The following PCDHGB2 variants were observed in gnomAD, a reference collection of about 807,000 sequenced individuals.
The protein encoded by PCDHGB2 is protocadherin gamma subfamily B, 2, also known as protocadherin gamma-B2.
A neutral mutation model predicts 59.3 loss-of-function variants in PCDHGB2; 55 were observed. That is an observed-to-expected ratio of 0.93 (90% CI 0.75 to 1.16). PCDHGB2 has a LOEUF of 1.16. Ranked by LOEUF, PCDHGB2 falls within the 50% of genes most tolerant of loss-of-function variation. PCDHGB2 has a pLI of 0.00. For synonymous variants in PCDHGB2, 516 were observed against 512.0 expected (o/e 1.01, Z -0.11); for missense variants, 1,228 against 1,198.5 (o/e 1.02, Z -0.36).
intron 1 of PCDHGB2, chr5:141,376,162 G>A (rs1480360111): frequency 1.2e-6 from 2 of 1,614,084 alleles, no homozygotes; most frequent in African/African-American, 1.3e-5. Flanking sequence ...CTCTGTACCT[G>A]GTGGTGGCGG....
intron 1 of PCDHGB2, chr5:141,410,721 A>G (rs2154543206): frequency 1.5e-5 from 21 of 1,395,496 alleles, no homozygotes; most frequent in Non-Finnish European, 2.0e-5. Context: ...ATATGTTTAA[A>G]ATCCATAGCT....
intron 1 of PCDHGB2, chr5:141,421,459 G>T: frequency 6.2e-7 from 1 of 1,614,142 alleles, no homozygotes; most frequent in South Asian, 1.1e-5. Context: ...GCTTTTCGCT[G>T]TGAATCCGCG....
At chr5:141,451,925 G>A (rs1391178313) in intron 1 of PCDHGB2, among the ~76,000 whole-genome samples, 2 of 152,012 alleles carry the variant, frequency 1.3e-5, no homozygotes, top group East Asian at 3.8e-4. Context: ...AGGAAGGGAG[G>A]TAGGGAGGCA....
At chr5:141,460,787 C>T (rs1177595415) in intron 1 of PCDHGB2, among the ~76,000 whole-genome samples, 1 of 151,504 alleles carries the variant, frequency 6.6e-6, no homozygotes, top group Non-Finnish European at 1.5e-5. Context: ...TACATATATA[C>T]ACACAAAGTA....
rs558944208 is a variant in PCDHGB2, at chr5:141,478,187, A to G, written c.2422-16620A>G. On this transcript the variant is annotated intron_variant, in intron 1 of 3. Coordinates refer to ENST00000522605, the MANE Select transcript of PCDHGB2 (RefSeq NM_018923.3). ...CCCCCGGGAGCAGAAAAAAAATCTC[A>G]CCTTTTATCTACTTCTTTCTCTAAT... is the stretch of plus-strand genomic sequence containing the variant. The G allele has an allele frequency of 2.9e-5, 46 of 1,613,548 alleles. No individual in the cohort carries two copies. The highest frequency in any genetic ancestry group is 3.9e-5 in the Non-Finnish European group (46 of 1,179,954).
chr5:141,489,597 A>T lies in PCDHGB2; in HGVS notation c.2422-5210A>T. The T allele has an allele frequency of 6.2e-7, 1 of 1,614,100 alleles. No individual in the cohort carries two copies. Among genetic ancestry groups the T allele is most frequent in the African/African-American group, 1.3e-5 (1 of 75,040 alleles). ...AACACCCCCTGGAGCTAATCCGTGT[A>T]GAGGTAGAGATCCTGGATCTCAATG... On this transcript the variant is annotated intron_variant, in intron 1 of 3. Transcript: ENST00000522605. The surrounding 1 kb of genome is among the most constrained non-coding windows in gnomAD (Gnocchi z 4.5).
intron 1 of PCDHGB2, chr5:141,430,836 C>T: frequency 6.4e-7 from 1 of 1,558,936 alleles, no homozygotes; most frequent in South Asian, 1.2e-5. Context: ...CTGTGGGAGA[C>T]CGGATGCACC....
At chr5:141,510,450 T>G (rs1273211856) in intron 3 of PCDHGB2, among the ~76,000 whole-genome samples, 1 of 151,946 alleles carries the variant, frequency 6.6e-6, no homozygotes, top group Non-Finnish European at 1.5e-5. Flanking sequence ...CAGGAGCCCA[T>G]GGTCTAGTGT....
At chr5:141,437,338 C>T (rs1328789308) in intron 1 of PCDHGB2, among the ~76,000 whole-genome samples, 1 of 152,196 alleles carries the variant, frequency 6.6e-6, no homozygotes, top group Non-Finnish European at 1.5e-5. Flanking sequence ...TGTAGCTTCA[C>T]TGTTTTATAG....
chr5:141,494,237 G>A (rs555725765), intron 1 of PCDHGB2, among the ~76,000 whole-genome samples: 3 of 152,312 alleles, frequency 2.0e-5, no homozygotes, highest in East Asian at 3.9e-4. Flanking sequence ...AATTAATAAT[G>A]TATTTAGCTG....
rs941528168 is a variant in PCDHGB2, at chr5:141,476,433, T to C, written c.2422-18374T>C. 2 of 1,614,094 alleles carry C rather than the reference T, an allele frequency of 1.2e-6. No individual in the cohort carries two copies. The highest frequency in any genetic ancestry group is 2.2e-5 in the East Asian group (1 of 44,856). ...TGTGGGACACTGCCCTCTTGCACTGTAACTCTGGAGTTGGTAGTGGAGAAC... is the reference window on the plus strand; with the variant it reads ...TGTGGGACACTGCCCTCTTGCACTGCAACTCTGGAGTTGGTAGTGGAGAAC... On this transcript the variant is annotated intron_variant, in intron 1 of 3. Coordinates refer to ENST00000522605, the MANE Select transcript of PCDHGB2 (RefSeq NM_018923.3). This position sits in a 1 kb window ranked among gnomAD's most constrained non-coding sequence, Gnocchi z 7.6.
rs186109113 is a variant in PCDHGB2, at chr5:141,415,284, G to C, written c.2421+52728G>C. ...TGTACCTGGTGGTAGCGGTGGCCGCGGTCTCCTGCGTCTTCCTGGCCTTCG... is the reference window on the plus strand; with the variant it reads ...TGTACCTGGTGGTAGCGGTGGCCGCCGTCTCCTGCGTCTTCCTGGCCTTCG... On this transcript the variant is annotated intron_variant, in intron 1 of 3. Transcript: ENST00000522605. 4,314 of 1,614,198 alleles carry C rather than the reference G, an allele frequency of 2.7e-3. 11 individuals are homozygous for C. The highest frequency in any genetic ancestry group is 7.3e-3 in the Middle Eastern group (44 of 6,062).
intron 1 of PCDHGB2, chr5:141,426,795 C>G (rs1214340018): frequency 2.2e-6 from 1 of 456,700 alleles, no homozygotes. Context: ...GAGTTACCAG[C>G]TCAGTTCTAA....
At chr5:141,460,456 T>C (rs2098989632) in intron 1 of PCDHGB2, among the ~76,000 whole-genome samples, 1 of 152,124 alleles carries the variant, frequency 6.6e-6, no homozygotes, top group South Asian at 2.1e-4. Flanking sequence ...AAGATTCATA[T>C]TTTTTTCCAA....
At position 141,361,847 on chromosome 5, in the gene PCDHGB2, G is replaced by A. The variant is rs763425262; in HGVS notation, c.1712G>A (p.Gly571Asp). The change falls in exon 1 of 4, where the codon GGC becomes GAC. Residue 571 changes from glycine to aspartate, a missense_variant. Physicochemically the swap from Gly to Asp is moderately conservative, Grantham distance 94 (BLOSUM62 -1). Around this residue, in one of 3 missense-constraint regions of PCDHGB2, gnomAD observed 781 missense variants for 721.6 expected, o/e 1.08. Coordinates refer to ENST00000522605, the MANE Select transcript of PCDHGB2 (RefSeq NM_018923.3). The stretch of plus-strand genomic sequence containing the variant: ...CTGTACCCCGCGCTGGGGCCTGATG[G>A]CTCCGCCCTCTTCGATATGGTGCCA... ...RVLYPALGPDGSALFDMVPRA... is the reference protein window; with the variant it reads ...RVLYPALGPDDSALFDMVPRA... 1.2e-6 allele frequency: 2 copies of A among 1,612,544 alleles called. No homozygotes were observed. The highest frequency in any genetic ancestry group is 1.1e-5 in the South Asian group (1 of 91,052).
At chr5:141,405,330 T>C (rs750658260) in intron 1 of PCDHGB2, 1 of 1,614,206 alleles carries the variant, frequency 6.2e-7, no homozygotes, top group East Asian at 2.2e-5. Context: ...CCTTTGTGCG[T>C]CTCTGTTGAT....
At chr5:141,425,047 A>G (rs1590618154) in intron 1 of PCDHGB2, among the ~76,000 whole-genome samples, 1 of 152,198 alleles carries the variant, frequency 6.6e-6, no homozygotes, top group Non-Finnish European at 1.5e-5. Context: ...TAAACTGACT[A>G]TCTAGGGCTC....
Position 141,490,749 on chromosome 5 carries a change from C to T in PCDHGB2, c.2422-4058C>T, listed in dbSNP as rs777124697. 3.1e-6 allele frequency: 5 copies of T among 1,614,098 alleles called. No individual in the cohort carries two copies. The South Asian group carries it at 5.5e-5, about 18-fold the overall frequency. ...GAAATCAGGTTCAGGGAGCCCCAGC[C>T]TCCTCCTTTGTGTATGTCAACCCAG... On this transcript the variant is annotated intron_variant, in intron 1 of 3. Coordinates refer to ENST00000522605, the MANE Select transcript of PCDHGB2 (RefSeq NM_018923.3). The surrounding 1 kb of genome is among the most constrained non-coding windows in gnomAD (Gnocchi z 5.4).
In PCDHGB2 at chr5:141,489,210, G is replaced by A; in HGVS notation, c.2422-5597G>A. ...TCTACCTTGGAGACAGGACAGCACAGACTTACTCTCCACAAAGGGACTTCT... is the reference window on the plus strand; with the variant it reads ...TCTACCTTGGAGACAGGACAGCACAAACTTACTCTCCACAAAGGGACTTCT... On this transcript the variant is annotated intron_variant, in intron 1 of 3. Coordinates refer to ENST00000522605, the MANE Select transcript of PCDHGB2 (RefSeq NM_018923.3). The surrounding 1 kb of genome is among the most constrained non-coding windows in gnomAD (Gnocchi z 4.5). 6 of 1,461,860 alleles carry A rather than the reference G, an allele frequency of 4.1e-6. No homozygotes were observed. Among genetic ancestry groups the A allele is most frequent in the Non-Finnish European group, 5.6e-6 (6 of 1,080,904 alleles). 90.6% of individuals were successfully genotyped at this position (1,461,860 alleles called of 1,614,324 possible). A position where few individuals can be genotyped will look rare whatever the true frequency, so the allele number is the denominator to read the frequency against.
Sources: gnomAD v4.1 joint callset for allele counts (sites outside exome capture counted in the v4.1 genomes callset) on GRCh38, gnomAD v4.1.1 for gene constraint, gnomAD v4.1.1 regional missense constraint, Gnocchi (gnomAD v3.1) non-coding constraint, MANE v1.5 for transcripts, NCBI Gene and HGNC (gene_info 2026-07-23, HGNC 2026-07-21) for gene names.